RELN: variants seen among roughly 807,000 people sequenced by gnomAD.
The protein encoded by RELN is reelin.
A neutral mutation model predicts 427.6 loss-of-function variants in RELN; 108 were observed. That is an observed-to-expected ratio of 0.25 (90% CI 0.22 to 0.30). The LOEUF is 0.30. Among genes scored for constraint, RELN ranks in the 10% least tolerant of loss-of-function variants. The pLI is 1.00. For missense variants in RELN, 3,715 were observed against 4,302.8 expected (o/e 0.86, Z 3.82); for synonymous variants, 1,524 against 1,513.4 (o/e 1.01, Z -0.16).
intron 38 of RELN, 113 bp downstream of exon 38, chr7:103,556,864 T>C (rs1830534049): frequency 2.3e-6 from 2 of 869,230 alleles, no homozygotes; most frequent in East Asian, 2.4e-5. Context: ...AAAATGTGTG[T>C]GCTGTGGACA....
In RELN at chr7:103,888,649, G is replaced by A. The variant is rs139006692; in HGVS notation, c.337+28426C>T. ...CACTACTTGCCTGTCCTTGGCCTTCGTAGAAAGTATAAAGATACCCCCATC... is the reference window on the plus strand; with the variant it reads ...CACTACTTGCCTGTCCTTGGCCTTCATAGAAAGTATAAAGATACCCCCATC... On this transcript the variant is annotated intron_variant, in intron 2 of 64. Coordinates refer to ENST00000428762, the MANE Select transcript of RELN (RefSeq NM_005045.4). 3.4e-4 allele frequency among the ~76,000 whole-genome samples: 52 copies of A among 152,150 alleles called. 1 individual carries two copies. The highest frequency in any genetic ancestry group is 6.3e-4 in the Non-Finnish European group (43 of 67,984).
intron 24 of RELN, among the ~76,000 whole-genome samples, chr7:103,598,072 T>G (rs1264829027): frequency 6.6e-6 from 1 of 152,158 alleles, no homozygotes; most frequent in East Asian, 1.9e-4. Context: ...TAAACTCTAA[T>G]CCACTAAGTT....
At chr7:103,618,600 TA>T (rs1162877902) in intron 20 of RELN, among the ~76,000 whole-genome samples, 1 of 152,246 alleles carries the variant, frequency 6.6e-6, no homozygotes, top group Non-Finnish European at 1.5e-5. Context: ...AGGCTCTTTT[TA>T]TACTTTTTGT....
In RELN at chr7:103,573,519, T is replaced by C. The variant is rs1830930257; in HGVS notation, c.4511+573A>G. ...AGATTTTGTGAGGAGGTCTAAAAAT[T>C]TTAAACATTTTCTCTATTTCCTTTC... On this transcript the variant is annotated intron_variant, in intron 30 of 64. Transcript: ENST00000428762. This position sits in a 1 kb window ranked among gnomAD's most constrained non-coding sequence, Gnocchi z 4.4. Among the ~76,000 whole-genome samples, 1 of 152,178 alleles carries C rather than the reference T, an allele frequency of 6.6e-6. No individual in the cohort carries two copies. Among genetic ancestry groups the C allele is most frequent in the African/African-American group, 2.4e-5 (1 of 41,440 alleles).
At chr7:103,964,576 T>C (rs576372545) in intron 1 of RELN, among the ~76,000 whole-genome samples, 6 of 152,312 alleles carry the variant, frequency 3.9e-5, no homozygotes, top group Non-Finnish European at 8.8e-5. Flanking sequence ...AATAAATTAT[T>C]TAAAGAATTG....
intron 56 of RELN, among the ~76,000 whole-genome samples, 195 bp from the exon 57 acceptor site, chr7:103,496,093 G>A (rs1157723857): frequency 6.6e-6 from 1 of 152,128 alleles, no homozygotes; most frequent in African/African-American, 2.4e-5. Context: ...AATCCAACGT[G>A]AGAAATCAAA....
At chr7:103,936,873 C>A (rs1391232951) in intron 1 of RELN, among the ~76,000 whole-genome samples, 1 of 152,128 alleles carries the variant, frequency 6.6e-6, no homozygotes, top group Non-Finnish European at 1.5e-5. Context: ...TTGCTTTGAA[C>A]TATTTCCAAG....
chr7:103,741,635 C>A (rs503791), intron 6 of RELN, among the ~76,000 whole-genome samples: 33,020 of 145,456 alleles, frequency 0.23, 4,785 homozygotes, highest in African/African-American at 0.42. Context: ...GGAGAGGGAA[C>A]GGGAGAGGAA....
chr7:103,919,477 G>T (rs992969681), intron 1 of RELN, among the ~76,000 whole-genome samples: 2 of 152,024 alleles, frequency 1.3e-5, no homozygotes, highest in African/African-American at 4.8e-5. Context: ...TCACAGAAAG[G>T]CTTCCACTTA....
chr7:103,724,372 C>A (rs148034760), intron 7 of RELN, among the ~76,000 whole-genome samples: 160 of 152,232 alleles, frequency 1.1e-3, no homozygotes, highest in African/African-American at 3.8e-3. Context: ...GCCTCTTGCT[C>A]TGTCGGAATT....
In RELN at chr7:103,593,748, T is replaced by C; in HGVS notation, c.3846A>G (p.Ser1282=). ...GAGTTACTGCAAATCGATCTCCATC[T>C]GATTTTCCAAATATCATTGCTGATG... ...ATPSAMIFGK[S]DGDRFAVTRD... The change falls in exon 27 of 65, where the codon TCA becomes TCG. Residue 1282 remains serine (S), a synonymous_variant. Coordinates refer to ENST00000428762, the MANE Select transcript of RELN (RefSeq NM_005045.4). 1.2e-6 allele frequency: 2 copies of C among 1,614,082 alleles called. No homozygotes were observed. The highest frequency in any genetic ancestry group is 2.2e-5 in the East Asian group (1 of 44,856).
At chr7:103,523,865 C>G (rs1048270660) in intron 46 of RELN, among the ~76,000 whole-genome samples, 6 of 151,932 alleles carry the variant, frequency 3.9e-5, no homozygotes, top group South Asian at 2.1e-4. Context: ...TTAGGGGAGA[C>G]AGAGTTTCAC....
intron 2 of RELN, among the ~76,000 whole-genome samples, chr7:103,859,073 T>A (rs1794012739): frequency 6.6e-6 from 1 of 152,226 alleles, no homozygotes; most frequent in East Asian, 1.9e-4. Flanking sequence ...ACTTTAAAAC[T>A]GAAGTGGTAA....
chr7:103,523,437 T>C lies in RELN; in HGVS notation c.7444A>G (p.Ile2482Val). The C allele has an allele frequency of 6.2e-7, 1 of 1,614,178 alleles. No individual in the cohort carries two copies. The highest frequency in any genetic ancestry group is 8.5e-7 in the Non-Finnish European group (1 of 1,180,046). ...IDNVYIGDGC[I>V]DMCSGHGRCI... ...CTCCCATGGCCACTGCACATGTCTA[T>C]GCAGCCATCCCCGATATAGACATTA... The change falls in exon 47 of 65, where the codon ATA becomes GTA. Residue 2482 changes from isoleucine (I) to valine (V), a missense_variant. By Grantham distance (29) the Ile-to-Val change is conservative. This residue lies in a region of RELN where 1,310 missense variants were observed against 1,643.0 expected (regional missense o/e 0.80). Transcript: ENST00000428762.
intron 1 of RELN, among the ~76,000 whole-genome samples, chr7:103,923,106 T>C (rs1795651638): frequency 1.3e-5 from 2 of 152,208 alleles, no homozygotes; most frequent in Admixed American, 1.3e-4. Context: ...AAAACATCAT[T>C]GCATTTTGCC....
rs141677488 is a variant in RELN, at chr7:103,762,227, G to C, written c.545-9013C>G. Among the ~76,000 whole-genome samples, 308 of 152,238 alleles carry C rather than the reference G, an allele frequency of 2.0e-3. 3 individuals are homozygous for C. The highest frequency in any genetic ancestry group is 7.1e-3 in the African/African-American group (295 of 41,548). On this transcript the variant is annotated intron_variant, in intron 4 of 64. Transcript: ENST00000428762. ...CTGCTGTAGGAGGTGGTGAGTGCTG[G>C]AGCAGCCAGCTTGGCGCCTAGATTT...
chr7:103,877,030 C>A (rs1466886128), intron 2 of RELN, among the ~76,000 whole-genome samples: 1 of 152,014 alleles, frequency 6.6e-6, no homozygotes, highest in Non-Finnish European at 1.5e-5. Flanking sequence ...TCCTCAGCCT[C>A]TGGGATATTC....
At chr7:103,709,399 C>T (rs1789733295) in intron 8 of RELN, among the ~76,000 whole-genome samples, 2 of 152,172 alleles carry the variant, frequency 1.3e-5, no homozygotes, top group South Asian at 4.1e-4. Flanking sequence ...ATGGCGACTG[C>T]TTTAATATTT....
intron 3 of RELN, among the ~76,000 whole-genome samples, chr7:103,808,486 G>A (rs1459485493): frequency 6.6e-6 from 1 of 151,726 alleles, no homozygotes; most frequent in Non-Finnish European, 1.5e-5. Flanking sequence ...GAACTTCCAG[G>A]TCAACAATCA....
Sources: gnomAD v4.1 joint callset for allele counts (sites outside exome capture counted in the v4.1 genomes callset) on GRCh38, gnomAD v4.1.1 for gene constraint, gnomAD v4.1.1 regional missense constraint, Gnocchi (gnomAD v3.1) non-coding constraint, MANE v1.5 for transcripts, NCBI Gene and HGNC (gene_info 2026-07-23, HGNC 2026-07-21) for gene names.